Variants in RHOF observed in about 807,000 individuals in gnomAD.
The protein encoded by RHOF is rho-related GTP-binding protein RhoF.
In RHOF, 21 loss-of-function variants were observed where a neutral mutation model predicts 22.2. The ratio of observed to expected loss-of-function variants is 0.95; its 90% CI spans 0.67 to 1.36. RHOF has a LOEUF of 1.36. Ranked by LOEUF, RHOF falls within the 40% of genes most tolerant of loss-of-function variation. The pLI is 0.00. For missense variants in RHOF, 285 were observed against 293.7 expected, an observed-to-expected ratio of 0.97 and a Z score of 0.22; for synonymous variants, 135 against 131.2, an observed-to-expected ratio of 1.03 and a Z score of -0.20.
chr12:121,790,483 T>C (rs1256652281), intron 2 of RHOF, among the ~76,000 whole-genome samples: 2 of 152,230 alleles, frequency 1.3e-5, no homozygotes, highest in Non-Finnish European at 2.9e-5. Flanking sequence ...ATGAATCATC[T>C]CCGGCATTCG....
intron 2 of RHOF, among the ~76,000 whole-genome samples, chr12:121,790,255 C>CCCTG (rs1874729836): frequency 6.6e-6 from 1 of 152,270 alleles, no homozygotes; most frequent in South Asian, 2.1e-4. Flanking sequence ...TGAGAGCCAC[C>CCCTG]CCTGTCTCAC....
At chr12:121,791,918 T>G (rs1356537986) in intron 2 of RHOF, among the ~76,000 whole-genome samples, 1 of 152,206 alleles carries the variant, frequency 6.6e-6, no homozygotes, top group Non-Finnish European at 1.5e-5. Flanking sequence ...AGAGTAAAGG[T>G]GTCCCAGACC....
rs781387759 is a variant in RHOF, at chr12:121,779,670, G to T, written c.472-8C>A. ...TTCGCAGGCGCTCAGGCCCTGGGTG[G>T]GGGGAGGAGCCAGCATTAGGTGAGG... On this transcript the variant is annotated splice_region_variant and splice_polypyrimidine_tract_variant and intron_variant, in intron 4 of 4. Coordinates refer to ENST00000267205, the MANE Select transcript of RHOF (RefSeq NM_019034.3). 4.3e-6 allele frequency: 7 copies of T among 1,613,556 alleles called. No homozygotes were observed. The Middle Eastern group carries it at 9.9e-4, about 228-fold the overall frequency.
intron 2 of RHOF, among the ~76,000 whole-genome samples, chr12:121,783,495 T>G (rs974069347): frequency 6.6e-6 from 1 of 151,950 alleles, no homozygotes; most frequent in Non-Finnish European, 1.5e-5. Flanking sequence ...CTAATTTTTG[T>G]TTTTGAGACA....
intron 2 of RHOF, among the ~76,000 whole-genome samples, chr12:121,788,249 AT>A (rs1033690672): frequency 2.4e-4 from 37 of 151,570 alleles, no homozygotes; most frequent in African/African-American, 8.5e-4. Flanking sequence ...TTACTGGAGT[AT>A]TTTTTTTTCT....
intron 2 of RHOF, among the ~76,000 whole-genome samples, chr12:121,791,207 C>A (rs1874755469): frequency 6.6e-6 from 1 of 151,652 alleles, no homozygotes; most frequent in Non-Finnish European, 1.5e-5. Context: ...CTCACTGCAA[C>A]CTCTGCCTCC....
chr12:121,786,370 T>C (rs1874610562), intron 2 of RHOF, among the ~76,000 whole-genome samples: 1 of 152,176 alleles, frequency 6.6e-6, no homozygotes, highest in African/African-American at 2.4e-5. Flanking sequence ...TGTTCCACTC[T>C]CGTCACACAC....
At chr12:121,793,277 C>G (rs201021224) in intron 1 of RHOF, 38 bp from the exon 2 acceptor site, 828 of 1,528,142 alleles carry the variant, frequency 5.4e-4, no homozygotes, top group Non-Finnish European at 6.9e-4. Context: ...TTAGTGGGGC[C>G]GGCGGGGGCC....
At chr12:121,793,036 G>C in intron 2 of RHOF, 116 bp downstream of exon 2, 2 of 884,644 alleles carry the variant, frequency 2.3e-6, no homozygotes, top group Non-Finnish European at 3.5e-6. Flanking sequence ...GGAGTGAAGA[G>C]CCGGCCAAGG....
intron 2 of RHOF, among the ~76,000 whole-genome samples, chr12:121,785,051 C>A (rs1289370814): frequency 6.6e-6 from 1 of 152,114 alleles, no homozygotes; most frequent in Non-Finnish European, 1.5e-5. Flanking sequence ...GGGCCAGGCA[C>A]CGTGGCTCAC....
intron 4 of RHOF, chr12:121,780,127 G>C (rs1195763338): frequency 1.9e-5 from 3 of 158,674 alleles, no homozygotes; most frequent in African/African-American, 7.2e-5. Context: ...GCGCGATCTT[G>C]GTTCATCACA....
Position 121,787,628 on chromosome 12 carries a change from G to A in RHOF, c.226+5524C>T, listed in dbSNP as rs139544711. On this transcript the variant is annotated intron_variant, in intron 2 of 4. Coordinates refer to ENST00000267205, the MANE Select transcript of RHOF (RefSeq NM_019034.3). Reference sequence around the variant, plus strand: ...ATAAAAGTCATGGTCTAGACCGGGCGCTGTGGCGCATGCTTGTAATCCCAG... The same window carrying A: ...ATAAAAGTCATGGTCTAGACCGGGCACTGTGGCGCATGCTTGTAATCCCAG... Among the ~76,000 whole-genome samples, 338 of 148,360 alleles carry A rather than the reference G, an allele frequency of 2.3e-3. 5 individuals are homozygous for A. Among genetic ancestry groups the A allele is most frequent in the Non-Finnish European group, 2.4e-4 (16 of 67,062 alleles).
rs368101093 is a variant in RHOF, at chr12:121,780,926, C to G, written c.417G>C (p.Lys139Asn). The G allele has an allele frequency of 1.2e-6, 2 of 1,614,048 alleles. No individual in the cohort carries two copies. The highest frequency in any genetic ancestry group is 2.2e-5 in the South Asian group (2 of 91,078). The change falls in exon 4 of 5, where the codon AAG becomes AAC. Residue 139 changes from lysine (K) to asparagine (N), a missense_variant. Lys to Asn is a moderately conservative substitution (Grantham distance 94). Coordinates refer to ENST00000267205, the MANE Select transcript of RHOF (RefSeq NM_019034.3). Reference protein sequence around the residue: ...IGCKTDLRKDKEQLRKLRAAQ... With the variant: ...IGCKTDLRKDNEQLRKLRAAQ... ...CGGCCCGGAGCTTCCGCAGCTGCTC[C>G]TTGTCCTTCCTCAGGTCTGTCTTGC...
At chr12:121,785,144 G>A (rs1158403369) in intron 2 of RHOF, among the ~76,000 whole-genome samples, 4 of 152,190 alleles carry the variant, frequency 2.6e-5, no homozygotes, top group African/African-American at 9.6e-5. Context: ...GCTTGTTACC[G>A]AGCCAGCTAC....
intron 4 of RHOF, 23 bp from the exon 5 acceptor site, chr12:121,779,685 A>G: frequency 1.2e-6 from 2 of 1,612,762 alleles, no homozygotes; most frequent in Non-Finnish European, 1.7e-6. Flanking sequence ...AGGAGCCAGC[A>G]TTAGGTGAGG....
chr12:121,788,198 G>T (rs1229146339), intron 2 of RHOF, among the ~76,000 whole-genome samples: 1 of 152,178 alleles, frequency 6.6e-6, no homozygotes, highest in Admixed American at 6.5e-5. Context: ...CTTGCCCCAG[G>T]CCACACAGCT....
At chr12:121,788,109 C>T (rs1874659619) in intron 2 of RHOF, among the ~76,000 whole-genome samples, 1 of 152,084 alleles carries the variant, frequency 6.6e-6, no homozygotes, top group Non-Finnish European at 1.5e-5. Flanking sequence ...CATCTTTCCC[C>T]CAAAAGCCCT....
rs773839153 is a variant in RHOF, at chr12:121,793,684, A to T, written c.-51T>A. ...CGGCGCGCCGGGCACTAGCGGAGCC[A>T]AGAGGTCGGGGGCGGGGCGGGGCCG... On this transcript the variant is annotated 5_prime_UTR_variant, in exon 1 of 5. Transcript: ENST00000267205. 200 of 1,461,054 alleles carry T rather than the reference A, an allele frequency of 1.4e-4. No individual in the cohort carries two copies. Among genetic ancestry groups the T allele is most frequent in the Non-Finnish European group, 1.7e-4 (190 of 1,113,468 alleles). The allele number at this position is 1,461,054 out of a possible 1,614,324, so 90.5% of individuals were successfully genotyped here.
chr12:121,784,835 T>C (rs1874564004), intron 2 of RHOF, among the ~76,000 whole-genome samples: 2 of 152,224 alleles, frequency 1.3e-5, no homozygotes, highest in Admixed American at 6.5e-5. Context: ...GCATAACTTA[T>C]TCCCTTTTAC....
Sources: allele counts gnomAD v4.1 joint callset (sites outside exome capture counted in the v4.1 genomes callset), GRCh38; gene constraint gnomAD v4.1.1; transcripts MANE v1.5; gene names NCBI Gene and HGNC (gene_info 2026-07-23, HGNC 2026-07-21).